The following LSAMP variants were observed in gnomAD, a reference collection of about 807,000 sequenced individuals.
The protein encoded by LSAMP is limbic system associated membrane protein.
A neutral mutation model predicts 38.6 loss-of-function variants in LSAMP; 7 were observed. The ratio of observed to expected loss-of-function variants is 0.18; its 90% CI spans 0.10 to 0.34. The LOEUF (loss-of-function observed/expected upper bound fraction) is 0.34, where lower values mean the gene tolerates loss of function less well. Ranked by LOEUF, LSAMP falls within the 10% of genes least tolerant of loss-of-function variation. The pLI is 1.00. For synonymous variants in LSAMP, 154 were observed against 166.8 expected, an observed-to-expected ratio of 0.92 and a Z score of 0.59; for missense variants, 313 against 420.0, an observed-to-expected ratio of 0.75 and a Z score of 2.23.
At chr3:116,108,939 T>G (rs1708533849) in intron 1 of LSAMP, among the ~76,000 whole-genome samples, 1 of 152,176 alleles carries the variant, frequency 6.6e-6, no homozygotes, top group African/African-American at 2.4e-5. Context: ...GTGAGGTTAA[T>G]TAAGTCCTGT....
At chr3:116,171,532 A>AT (rs1301653935) in intron 1 of LSAMP, among the ~76,000 whole-genome samples, 2 of 152,086 alleles carry the variant, frequency 1.3e-5, no homozygotes, top group African/African-American at 4.8e-5. Context: ...GCCCTACCTG[A>AT]TTTTTTTAAA....
intron 1 of LSAMP, among the ~76,000 whole-genome samples, chr3:116,103,364 A>T (rs1708389289): frequency 1.3e-5 from 2 of 148,420 alleles, no homozygotes; most frequent in Admixed American, 1.4e-4. Context: ...ATACTTAGAG[A>T]TTGAGATACA....
intron 3 of LSAMP, among the ~76,000 whole-genome samples, chr3:115,910,407 A>ATAT (rs1251167172): frequency 6.6e-6 from 1 of 152,162 alleles, no homozygotes; most frequent in Non-Finnish European, 1.5e-5. Flanking sequence ...GTGTGTTTTA[A>ATAT]TATAAGTAAT....
chr3:115,930,004 T>TTTTTG (rs1255662987), intron 3 of LSAMP, among the ~76,000 whole-genome samples: 2 of 117,410 alleles, frequency 1.7e-5, no homozygotes, highest in Non-Finnish European at 3.2e-5. Context: ...TAGCAGAAGT[T>TTTTTG]TTTTTTTTTT....
intron 3 of LSAMP, among the ~76,000 whole-genome samples, chr3:115,946,797 C>A (rs1938112161): frequency 6.6e-6 from 1 of 151,882 alleles, no homozygotes; most frequent in Admixed American, 6.6e-5. Flanking sequence ...ACTATAATCT[C>A]AATAAGAAAG....
intron 2 of LSAMP, among the ~76,000 whole-genome samples, chr3:116,025,050 C>T (rs1165728057): frequency 1.3e-5 from 2 of 151,782 alleles, no homozygotes; most frequent in Non-Finnish European, 2.9e-5. Flanking sequence ...TAACATAATA[C>T]TCTTATTTGA....
chr3:116,019,339 A>T lies in LSAMP; in HGVS notation c.514+176T>A, dbSNP rs1940573921. ...ATGAGGACCCTAAATAAATAAAATA[A>T]AAAAGTTGCCATTCTGTTAGTATTT... On this transcript the variant is annotated intron_variant, in intron 3 of 6. Coordinates refer to ENST00000490035, the MANE Select transcript of LSAMP (RefSeq NM_002338.5). Among the ~76,000 whole-genome samples, 3 of 152,192 alleles carry T rather than the reference A, an allele frequency of 2.0e-5. No individual in the cohort carries two copies. In the South Asian group the frequency reaches 6.2e-4, roughly 31 times the overall value.
chr3:116,167,387 G>A (rs1379226308), intron 1 of LSAMP, among the ~76,000 whole-genome samples: 1 of 152,152 alleles, frequency 6.6e-6, no homozygotes, highest in Non-Finnish European at 1.5e-5. Context: ...TGGACTGAGA[G>A]GTTATTACAC....
intron 2 of LSAMP, among the ~76,000 whole-genome samples, chr3:116,054,195 C>T (rs1941447628): frequency 6.6e-6 from 1 of 152,172 alleles, no homozygotes; most frequent in South Asian, 2.1e-4. Flanking sequence ...CATCAATAAT[C>T]TCTTTTTGAT....
chr3:116,131,652 T>C (rs1236647316), intron 1 of LSAMP, among the ~76,000 whole-genome samples: 1 of 152,030 alleles, frequency 6.6e-6, no homozygotes, highest in African/African-American at 2.4e-5. Context: ...CAGATACCCC[T>C]CCATTTTTTC....
At chr3:116,224,434 TAAC>T (rs558204671) in intron 1 of LSAMP, among the ~76,000 whole-genome samples, 205 of 152,312 alleles carry the variant, frequency 1.3e-3, no homozygotes, top group African/African-American at 4.6e-3. Context: ...CCTTTTAGAA[TAAC>T]TGTTCAACTC....
In LSAMP at chr3:116,019,510, C is replaced by T. The variant is rs370815403; in HGVS notation, c.514+5G>A. On this transcript the variant is annotated splice_donor_5th_base_variant and intron_variant, in intron 3 of 6. Transcript: ENST00000490035. ...TGGCATATTGGAACCTGGAGTATTGCTTACCAGTTGGTGTAAGGTGTCTCC... is the reference window on the plus strand; with the variant it reads ...TGGCATATTGGAACCTGGAGTATTGTTTACCAGTTGGTGTAAGGTGTCTCC... 5 of 1,611,096 alleles carry T rather than the reference C, an allele frequency of 3.1e-6. No individual in the cohort carries two copies. The highest frequency in any genetic ancestry group is 2.7e-5 in the African/African-American group (2 of 74,804).
At chr3:116,117,306 TC>T (rs1003096684) in intron 1 of LSAMP, among the ~76,000 whole-genome samples, 1 of 151,876 alleles carries the variant, frequency 6.6e-6, no homozygotes, top group African/African-American at 2.4e-5. Context: ...TGTCTGTCAT[TC>T]CCCCCCTATT....
intron 3 of LSAMP, among the ~76,000 whole-genome samples, chr3:115,986,187 A>T (rs1939504446): frequency 6.6e-6 from 1 of 152,170 alleles, no homozygotes; most frequent in South Asian, 2.1e-4. Context: ...TTAGTTGATA[A>T]AAGAAACTTA....
intron 6 of LSAMP, among the ~76,000 whole-genome samples, chr3:115,839,364 CT>C (rs1450947187): frequency 1.4e-5 from 2 of 140,180 alleles, no homozygotes; most frequent in African/African-American, 5.3e-5. Context: ...CCTTTCTTTT[CT>C]TTTAGAACTC....
intron 3 of LSAMP, among the ~76,000 whole-genome samples, chr3:116,004,271 A>C (rs970108617): frequency 2.0e-5 from 3 of 152,072 alleles, no homozygotes; most frequent in South Asian, 2.1e-4. Flanking sequence ...GTAAAAATTC[A>C]GGCCAAGGCT....
chr3:115,950,963 A>G (rs1307630708), intron 3 of LSAMP, among the ~76,000 whole-genome samples: 2 of 152,196 alleles, frequency 1.3e-5, no homozygotes, highest in African/African-American at 4.8e-5. Flanking sequence ...TTACAGTCAA[A>G]TAAAGCCAGA....
intron 1 of LSAMP, among the ~76,000 whole-genome samples, chr3:116,103,844 C>A (rs1266056418): frequency 6.6e-6 from 1 of 151,902 alleles, no homozygotes; most frequent in Non-Finnish European, 1.5e-5. Flanking sequence ...GCACAAAAAT[C>A]CTACGGGTAT....
At chr3:116,170,592 G>A (rs1042660077) in intron 1 of LSAMP, among the ~76,000 whole-genome samples, 22 of 152,160 alleles carry the variant, frequency 1.4e-4, no homozygotes, top group Admixed American at 1.3e-3. Flanking sequence ...ATACGATTGT[G>A]GCGAATTAGT....
Sources: allele counts gnomAD v4.1 joint callset (sites outside exome capture counted in the v4.1 genomes callset), GRCh38; gene constraint gnomAD v4.1.1; transcripts MANE v1.5; gene names NCBI Gene and HGNC (gene_info 2026-07-23, HGNC 2026-07-21).